TCF4: variants seen among roughly 807,000 people sequenced by gnomAD.
The protein encoded by TCF4 is SL3-3 enhancer factor 2.
In TCF4, 3 loss-of-function variants were observed where a neutral mutation model predicts 82.1. The ratio of observed to expected loss-of-function variants is 0.04; its 90% CI spans 0.02 to 0.09. The LOEUF (loss-of-function observed/expected upper bound fraction) is 0.09. Among genes scored for constraint, TCF4 ranks in the 10% least tolerant of loss-of-function variants. TCF4 has a pLI of 1.00. For synonymous variants in TCF4, 276 were observed against 309.6 expected (o/e 0.89, Z 1.14); for missense variants, 518 against 852.7 (o/e 0.61, Z 4.89).
In TCF4 at chr18:55,280,739, T is replaced by C. The variant is rs988302756; in HGVS notation, c.550-1083A>G. On this transcript the variant is annotated intron_variant, in intron 8 of 19. Transcript: ENST00000354452. Reference sequence around the variant, plus strand: ...AGTAAAAGGAAAAGAAATTCACCAATAAAAAGGCAAGTGCAGGGTTACCAA... The same window carrying C: ...AGTAAAAGGAAAAGAAATTCACCAACAAAAAGGCAAGTGCAGGGTTACCAA... Among the ~76,000 whole-genome samples the C allele has an allele frequency of 4.6e-5, 7 of 152,062 alleles. No individual in the cohort carries two copies. In the South Asian group the frequency reaches 1.5e-3, roughly 32 times the overall value.
intron 5 of TCF4, among the ~76,000 whole-genome samples, chr18:55,421,488 G>T (rs955861531): frequency 6.6e-6 from 1 of 152,090 alleles, no homozygotes; most frequent in African/African-American, 2.4e-5. Context: ...TATTTATGCT[G>T]GGCTAGCAAC....
At chr18:55,314,713 T>C (rs1374581205) in intron 8 of TCF4, among the ~76,000 whole-genome samples, 1 of 151,574 alleles carries the variant, frequency 6.6e-6, no homozygotes, top group African/African-American at 2.4e-5. Context: ...GAGGTGAAGA[T>C]CCAATACACA....
At chr18:55,616,815 G>A (rs2097712620) in intron 2 of TCF4, among the ~76,000 whole-genome samples, 1 of 152,014 alleles carries the variant, frequency 6.6e-6, no homozygotes, top group Non-Finnish European at 1.5e-5. Context: ...TGTTGCAGGA[G>A]TTCCCTATAT....
At chr18:55,359,521 C>T (rs1398534338) in intron 6 of TCF4, among the ~76,000 whole-genome samples, 2 of 152,164 alleles carry the variant, frequency 1.3e-5, no homozygotes, top group Non-Finnish European at 2.9e-5. Flanking sequence ...ACACAGTATG[C>T]CCTCAGTAAA....
At chr18:55,525,234 A>G (rs962050118) in intron 3 of TCF4, among the ~76,000 whole-genome samples, 15 of 151,810 alleles carry the variant, frequency 9.9e-5, no homozygotes, top group African/African-American at 3.6e-4. Context: ...TACATTTTGA[A>G]TCAAAAAAAA....
chr18:55,410,685 C>T (rs1329199979), intron 5 of TCF4, among the ~76,000 whole-genome samples: 1 of 151,958 alleles, frequency 6.6e-6, no homozygotes, highest in East Asian at 1.9e-4. Context: ...CAATATGCCA[C>T]CTCCGTTTGG....
At chr18:55,569,158 T>C (rs543994091) in intron 3 of TCF4, among the ~76,000 whole-genome samples, 1 of 151,358 alleles carries the variant, frequency 6.6e-6, no homozygotes, top group African/African-American at 2.4e-5. Context: ...AGATAATCAG[T>C]ATTGCCATTC....
intron 5 of TCF4, among the ~76,000 whole-genome samples, chr18:55,406,788 T>C (rs1227302955): frequency 6.6e-6 from 1 of 152,184 alleles, no homozygotes. Context: ...CTAAAGATTC[T>C]ATTTTTCCAA....
intron 3 of TCF4, among the ~76,000 whole-genome samples, chr18:55,474,323 TAG>T (rs1291466386): frequency 1.3e-5 from 2 of 152,200 alleles, no homozygotes; most frequent in African/African-American, 4.8e-5. Flanking sequence ...ATGAAAGTTT[TAG>T]TAAAGCATTT....
intron 5 of TCF4, among the ~76,000 whole-genome samples, chr18:55,454,491 A>G (rs2095695501): frequency 6.6e-6 from 1 of 152,224 alleles, no homozygotes; most frequent in African/African-American, 2.4e-5. Context: ...ATACTGATCT[A>G]TGCACAGAAC....
chr18:55,538,065 C>G (rs1339138544), intron 3 of TCF4, among the ~76,000 whole-genome samples: 2 of 151,376 alleles, frequency 1.3e-5, no homozygotes, highest in Non-Finnish European at 2.9e-5. Flanking sequence ...CACACACACA[C>G]ACGTCATTAG....
chr18:55,231,565 T>C (rs2047927618), intron 17 of TCF4: 1 of 152,226 alleles, frequency 6.6e-6, no homozygotes, highest in Admixed American at 6.5e-5. Flanking sequence ...AAGAACTGAC[T>C]GGTCTAACAC....
intron 3 of TCF4, among the ~76,000 whole-genome samples, chr18:55,480,772 T>A (rs1312013122): frequency 1.3e-5 from 2 of 152,222 alleles, no homozygotes; most frequent in Admixed American, 1.3e-4. Context: ...GGACAAGGAT[T>A]GATTTTACTT....
intron 3 of TCF4, among the ~76,000 whole-genome samples, chr18:55,484,643 A>AT (rs2145661959): frequency 6.6e-6 from 1 of 152,334 alleles, no homozygotes; most frequent in East Asian, 1.9e-4. Context: ...TGTGGACAGA[A>AT]CATCTATTAT....
At chr18:55,298,599 G>A (rs940528148) in intron 8 of TCF4, among the ~76,000 whole-genome samples, 1 of 152,170 alleles carries the variant, frequency 6.6e-6, no homozygotes, top group African/African-American at 2.4e-5. Context: ...CAGAAATGTT[G>A]TCTTAAGCTA....
chr18:55,330,712 T>C (rs1395012943), intron 8 of TCF4, among the ~76,000 whole-genome samples: 1 of 151,730 alleles, frequency 6.6e-6, no homozygotes, highest in African/African-American at 2.4e-5. Flanking sequence ...ATTACCAGCA[T>C]GCACCACTAC....
chr18:55,541,792 G>GT (rs1184753434), intron 3 of TCF4, among the ~76,000 whole-genome samples: 99 of 151,996 alleles, frequency 6.5e-4, no homozygotes, highest in African/African-American at 2.3e-3. Context: ...CATCCCTTCT[G>GT]TACTTATTTG....
intron 6 of TCF4, among the ~76,000 whole-genome samples, chr18:55,359,138 C>T (rs1001759208): frequency 6.6e-6 from 1 of 152,192 alleles, no homozygotes; most frequent in East Asian, 1.9e-4. Context: ...ACAGCATGCC[C>T]GCTTGGACAA....
intron 6 of TCF4, among the ~76,000 whole-genome samples, chr18:55,373,150 C>T (rs2089785738): frequency 6.6e-6 from 1 of 151,158 alleles, no homozygotes; most frequent in African/African-American, 2.4e-5. Flanking sequence ...CTGTGTATAA[C>T]AAACCATCAA....
Sources: allele counts gnomAD v4.1 joint callset (sites outside exome capture counted in the v4.1 genomes callset), GRCh38; gene constraint gnomAD v4.1.1; transcripts MANE v1.5; gene names NCBI Gene and HGNC (gene_info 2026-07-23, HGNC 2026-07-21).